The following NDST4 variants were observed in gnomAD, a reference collection of about 807,000 sequenced individuals.
NDST4 encodes the protein N-deacetylase and N-sulfotransferase 4.
NDST4 carries 63 observed loss-of-function variants against 100.8 expected under a neutral mutation model. That is an observed-to-expected ratio of 0.62 (90% confidence interval 0.51 to 0.77). The LOEUF is 0.77. Ranked by LOEUF, NDST4 falls within the 30% of genes least tolerant of loss-of-function variation. The pLI is 0.00. For missense variants in NDST4, 943 were observed against 1,018.4 expected (o/e 0.93, Z 1.01); for synonymous variants, 377 against 361.8 (o/e 1.04, Z -0.48).
chr4:114,979,210 G>A lies in NDST4; in HGVS notation c.979-1936C>T, dbSNP rs757017567. 7.9e-5 allele frequency among the ~76,000 whole-genome samples: 12 copies of A among 151,568 alleles called. No individual in the cohort carries two copies. The East Asian group carries it at 1.4e-3, about 17-fold the overall frequency. On this transcript the variant is annotated intron_variant, in intron 2 of 13. Coordinates refer to ENST00000264363, the MANE Select transcript of NDST4 (RefSeq NM_022569.3). ...AATCCTACCAATTCTTTATATCTCC[G>A]CCCAAATGTCAACTTTTTGTATAAA...
intron 1 of NDST4, among the ~76,000 whole-genome samples, chr4:115,084,791 T>C (rs766898435): frequency 2.6e-5 from 4 of 152,182 alleles, no homozygotes; most frequent in Non-Finnish European, 5.9e-5. Flanking sequence ...TGTCTGGATG[T>C]CCAGGCAAAA....
intron 12 of NDST4, among the ~76,000 whole-genome samples, chr4:114,830,366 G>A (rs1463089792): frequency 6.6e-6 from 1 of 152,200 alleles, no homozygotes; most frequent in Admixed American, 6.5e-5. Context: ...ATGAATTAAA[G>A]CTTTCAGTTC....
At chr4:115,084,489 A>T (rs1233647674) in intron 1 of NDST4, among the ~76,000 whole-genome samples, 1 of 152,136 alleles carries the variant, frequency 6.6e-6, no homozygotes, top group African/African-American at 2.4e-5. Context: ...CACGTCAGAG[A>T]CCTTCATGGT....
intron 2 of NDST4, among the ~76,000 whole-genome samples, chr4:115,015,077 C>G (rs1727645948): frequency 6.6e-6 from 1 of 152,116 alleles, no homozygotes; most frequent in East Asian, 1.9e-4. Context: ...CCCAGCAGCG[C>G]TCCACTGGGG....
At chr4:114,981,550 T>A (rs556061865) in intron 2 of NDST4, among the ~76,000 whole-genome samples, 1 of 152,272 alleles carries the variant, frequency 6.6e-6, no homozygotes, top group African/African-American at 2.4e-5. Context: ...TTGTAAAGTA[T>A]CTACTCCCAG....
chr4:114,935,681 T>G (rs1030151070), intron 5 of NDST4, among the ~76,000 whole-genome samples: 1 of 152,172 alleles, frequency 6.6e-6, no homozygotes, highest in Non-Finnish European at 1.5e-5. Context: ...TTCATGCCAT[T>G]AGGCCATTAC....
At chr4:114,995,786 G>A (rs950050691) in intron 2 of NDST4, among the ~76,000 whole-genome samples, 6 of 151,822 alleles carry the variant, frequency 4.0e-5, no homozygotes, top group African/African-American at 1.2e-4. Context: ...TTTTTTTGAT[G>A]TATTAAATGA....
chr4:114,893,971 C>T (rs1389207126), intron 6 of NDST4, among the ~76,000 whole-genome samples: 1 of 152,148 alleles, frequency 6.6e-6, no homozygotes, highest in Non-Finnish European at 1.5e-5. Context: ...AGCCAGTTTT[C>T]CCAGCACCAT....
At chr4:114,882,748 T>C (rs1488259399) in intron 6 of NDST4, among the ~76,000 whole-genome samples, 1 of 151,760 alleles carries the variant, frequency 6.6e-6, no homozygotes, top group East Asian at 1.9e-4. Flanking sequence ...ATAAAGCATA[T>C]CACAAATCTA....
chr4:115,067,005 T>C (rs1234964274), intron 2 of NDST4, among the ~76,000 whole-genome samples: 4 of 152,186 alleles, frequency 2.6e-5, no homozygotes, highest in Non-Finnish European at 1.5e-5. Context: ...CTGCTACCCA[T>C]AGAACTGAAT....
rs188278083 is a variant in NDST4 at position 114,893,449 on chromosome 4, C to T, written c.1537-22499G>A. ...AATAATTGCCATTCTGACTGGCATG[C>T]GATGGTTTCTCATTGTGGTTTTGAT... is the stretch of plus-strand genomic sequence containing the variant. On this transcript the variant is annotated intron_variant, in intron 6 of 13. Coordinates refer to ENST00000264363, the MANE Select transcript of NDST4 (RefSeq NM_022569.3). 1.6e-3 allele frequency among the ~76,000 whole-genome samples: 245 copies of T among 152,030 alleles called. 1 individual carries two copies. The highest frequency in any genetic ancestry group is 2.7e-3 in the Non-Finnish European group (181 of 67,922).
chr4:115,075,525 G>A (rs554574788), intron 2 of NDST4, among the ~76,000 whole-genome samples: 2 of 152,122 alleles, frequency 1.3e-5, no homozygotes, highest in East Asian at 1.9e-4. Context: ...AGTGGCTCAC[G>A]CCTGTAATCC....
intron 6 of NDST4, among the ~76,000 whole-genome samples, chr4:114,922,235 T>C (rs967497833): frequency 7.9e-5 from 12 of 152,166 alleles, no homozygotes; most frequent in African/African-American, 2.7e-4. Context: ...GCGAGCAGGC[T>C]CAAGCATGCA....
At chr4:114,988,448 A>G (rs1726962193) in intron 2 of NDST4, among the ~76,000 whole-genome samples, 1 of 132,252 alleles carries the variant, frequency 7.6e-6, no homozygotes, top group Non-Finnish European at 1.5e-5. Flanking sequence ...TTCAAGCTCC[A>G]CCTCCCGGGT....
intron 11 of NDST4, among the ~76,000 whole-genome samples, chr4:114,839,104 T>A (rs1294019731): frequency 2.0e-5 from 3 of 152,186 alleles, no homozygotes; most frequent in Non-Finnish European, 2.9e-5. Context: ...CTAGCTACTG[T>A]TCAAAAGAAG....
chr4:114,943,799 T>C (rs1725802763), intron 4 of NDST4, among the ~76,000 whole-genome samples: 1 of 152,202 alleles, frequency 6.6e-6, no homozygotes, highest in Admixed American at 6.5e-5. Context: ...ATTTCTCATT[T>C]ATAAAATTAG....
At chr4:115,105,984 T>C (rs1041659301) in intron 1 of NDST4, among the ~76,000 whole-genome samples, 2 of 152,096 alleles carry the variant, frequency 1.3e-5, no homozygotes, top group Admixed American at 6.6e-5. Flanking sequence ...ATCAAACCCT[T>C]AGTATCTATT....
chr4:115,021,596 C>T (rs1236906458), intron 2 of NDST4, among the ~76,000 whole-genome samples: 201 of 90,812 alleles, frequency 2.2e-3, no homozygotes, highest in Non-Finnish European at 2.5e-3. Context: ...TATATACACA[C>T]GTTCCACATA....
chr4:114,907,237 T>C (rs1482361186), intron 6 of NDST4, among the ~76,000 whole-genome samples: 2 of 151,692 alleles, frequency 1.3e-5, no homozygotes, highest in Admixed American at 6.6e-5. Flanking sequence ...GGATTCACTG[T>C]AGATGGAGAA....
Sources: allele counts gnomAD v4.1 joint callset (sites outside exome capture counted in the v4.1 genomes callset), GRCh38; gene constraint gnomAD v4.1.1; transcripts MANE v1.5; gene names NCBI Gene and HGNC (gene_info 2026-07-23, HGNC 2026-07-21).